The following MCCC1 variants were observed in gnomAD, a reference collection of about 807,000 sequenced individuals.
The protein encoded by MCCC1 is methylcrotonyl-CoA carboxylase subunit 1.
MCCC1 carries 64 observed loss-of-function variants against 83.8 expected under a neutral mutation model. The ratio of observed to expected loss-of-function variants is 0.76; its 90% confidence interval spans 0.62 to 0.94. MCCC1 has a LOEUF of 0.94. Ranked by LOEUF, MCCC1 falls within the 40% of genes least tolerant of loss-of-function variation. The pLI, the probability that MCCC1 is intolerant of heterozygous loss-of-function variation, is 0.00. For synonymous variants in MCCC1, 322 were observed against 315.4 expected (o/e 1.02, Z -0.22); for missense variants, 807 against 904.7 (o/e 0.89, Z 1.39).
intron 4 of MCCC1, among the ~76,000 whole-genome samples, chr3:183,076,763 G>A (rs1172225459): frequency 1.3e-5 from 2 of 152,018 alleles, no homozygotes; most frequent in East Asian, 1.9e-4. Context: ...CCATAAACTC[G>A]GCCAACCCAA....
intron 4 of MCCC1, among the ~76,000 whole-genome samples, chr3:183,079,570 C>T (rs999717847): frequency 6.6e-6 from 1 of 152,310 alleles, no homozygotes; most frequent in Admixed American, 6.5e-5. Context: ...GCAGCTTTCA[C>T]AGGCTGGTGT....
intron 11 of MCCC1, among the ~76,000 whole-genome samples, chr3:183,040,766 CTAATTA>C (rs1246933549): frequency 6.6e-6 from 1 of 151,920 alleles, no homozygotes; most frequent in Non-Finnish European, 1.5e-5. Context: ...AAAACTTGTC[CTAATTA>C]TATCAGTCTA....
upstream of MCCC1, among the ~76,000 whole-genome samples, chr3:183,101,468 A>G (rs1719293750): frequency 6.6e-6 from 1 of 152,244 alleles, no homozygotes; most frequent in South Asian, 2.1e-4. Context: ...GCACCAATCG[A>G]CACTCTGTAT....
chr3:183,028,955 T>C (rs1016639111), intron 14 of MCCC1: 2 of 151,390 alleles, frequency 1.3e-5, no homozygotes, highest in African/African-American at 4.8e-5. Context: ...ATCATTAGCA[T>C]TTTTTTTTAG....
chr3:183,106,686 G>A (rs578010561), intron 1 of MCCC1, among the ~76,000 whole-genome samples: 12 of 151,910 alleles, frequency 7.9e-5, no homozygotes, highest in Non-Finnish European at 1.5e-4. Context: ...TAGTAGAGAC[G>A]GAGTTTCACC....
chr3:183,083,768 G>A (rs1414409268), intron 4 of MCCC1, among the ~76,000 whole-genome samples: 1 of 152,116 alleles, frequency 6.6e-6, no homozygotes, highest in Admixed American at 6.6e-5. Flanking sequence ...AGGCAGCTTA[G>A]AAAAGAAAGC....
intron 8 of MCCC1, among the ~76,000 whole-genome samples, chr3:183,055,226 AC>A (rs1419870722): frequency 2.0e-5 from 3 of 147,784 alleles, no homozygotes; most frequent in Non-Finnish European, 4.5e-5. Context: ...AGATGGTGAA[AC>A]CCCGTCTCTA....
At chr3:183,104,229 C>A (rs1560295392), upstream of MCCC1, among the ~76,000 whole-genome samples, 1 of 152,224 alleles carries the variant, frequency 6.6e-6, no homozygotes, top group Non-Finnish European at 1.5e-5. Context: ...TCCTCAAGTG[C>A]CGCCAAACTG....
chr3:183,113,567 T>A (rs1719536925), intron 1 of MCCC1, among the ~76,000 whole-genome samples: 1 of 150,430 alleles, frequency 6.6e-6, no homozygotes, highest in Non-Finnish European at 1.5e-5. Context: ...AGTATAATAA[T>A]AAAAATAAAT....
At chr3:183,056,996 T>C (rs1715469723) in intron 8 of MCCC1, among the ~76,000 whole-genome samples, 1 of 152,132 alleles carries the variant, frequency 6.6e-6, no homozygotes, top group South Asian at 2.1e-4. Context: ...CGCCTGGCCA[T>C]TCATTACAAT....
chr3:183,088,310 G>A (rs1718064186), intron 3 of MCCC1, among the ~76,000 whole-genome samples: 1 of 151,432 alleles, frequency 6.6e-6, no homozygotes, highest in South Asian at 2.1e-4. Context: ...GGGTTCGAGC[G>A]ATTCTCCTGC....
rs891898701 is a variant in MCCC1 at position 183,094,417 on chromosome 3, A to G, written c.136+142T>C. On this transcript the variant is annotated intron_variant, in intron 2 of 18. Coordinates refer to ENST00000265594, the MANE Select transcript of MCCC1 (RefSeq NM_020166.5). ...AAAGAGGTGAAAACCATGACTTAAC[A>G]CTTCCTAGAAAATTATCGTGAAAAT... 8.7e-6 allele frequency: 7 copies of G among 800,254 alleles called. No homozygotes were observed. The Admixed American group carries it at 1.3e-4, about 15-fold the overall frequency. 49.6% of individuals were successfully genotyped at this position (800,254 alleles called of 1,614,324 possible).
At chr3:183,054,721 AC>A (rs1398070325) in intron 8 of MCCC1, among the ~76,000 whole-genome samples, 2 of 152,210 alleles carry the variant, frequency 1.3e-5, no homozygotes, top group African/African-American at 4.8e-5. Flanking sequence ...TCACTGTCCC[AC>A]CCAGAGCAAC....
intron 1 of MCCC1, 37 bp downstream of exon 1, chr3:183,099,290 ACGCGGGTCCGTGCACCCCTCGCTCC>A: frequency 1.3e-6 from 2 of 1,532,516 alleles, no homozygotes; most frequent in Middle Eastern, 1.7e-4. Flanking sequence ...CCCACCGCTC[ACGCGGGTCCGTGCACCCCTCGCTCC>A]CGCCTCTGCC....
At chr3:183,054,722 C>T (rs1330408703) in intron 8 of MCCC1, among the ~76,000 whole-genome samples, 1 of 152,160 alleles carries the variant, frequency 6.6e-6, no homozygotes, top group Non-Finnish European at 1.5e-5. Flanking sequence ...CACTGTCCCA[C>T]CCAGAGCAAC....
At chr3:183,093,933 A>G (rs913853752) in intron 2 of MCCC1, among the ~76,000 whole-genome samples, 1 of 152,218 alleles carries the variant, frequency 6.6e-6, no homozygotes, top group African/African-American at 2.4e-5. Context: ...GCTTTAGACC[A>G]TCGTAGTTAT....
At chr3:183,081,898 C>T (rs549996346) in intron 4 of MCCC1, among the ~76,000 whole-genome samples, 45 of 152,176 alleles carry the variant, frequency 3.0e-4, no homozygotes, top group African/African-American at 1.0e-3. Context: ...CTTGCTCATG[C>T]CCAGAGAGAG....
intron 4 of MCCC1, among the ~76,000 whole-genome samples, chr3:183,084,830 G>A (rs1327046387): frequency 1.3e-5 from 2 of 152,148 alleles, no homozygotes; most frequent in Non-Finnish European, 2.9e-5. Context: ...GCTGAGGTGG[G>A]AGGATTGCTT....
chr3:183,101,244 G>A (rs537482374), upstream of MCCC1, among the ~76,000 whole-genome samples: 4 of 152,354 alleles, frequency 2.6e-5, no homozygotes, highest in East Asian at 1.9e-4. Flanking sequence ...GCTCCACGGC[G>A]CCCAGTCCCA....
Sources: allele counts gnomAD v4.1 joint callset (sites outside exome capture counted in the v4.1 genomes callset), GRCh38; gene constraint gnomAD v4.1.1; transcripts MANE v1.5; gene names NCBI Gene and HGNC (gene_info 2026-07-23, HGNC 2026-07-21).